GPC5: variants seen among roughly 807,000 people sequenced by gnomAD.
The protein encoded by GPC5 is glypican-5.
GPC5 carries 47 observed loss-of-function variants against 53.9 expected under a neutral mutation model. The ratio of observed to expected loss-of-function variants is 0.87; its 90% CI spans 0.69 to 1.11. The LOEUF (loss-of-function observed/expected upper bound fraction) is 1.11. GPC5 is among the 50% of genes most tolerant of loss of function. The pLI is 0.00. For missense variants in GPC5, 748 were observed against 713.1 expected, an observed-to-expected ratio of 1.05 and a Z score of -0.56; for synonymous variants, 286 against 263.3, an observed-to-expected ratio of 1.09 and a Z score of -0.84.
intron 7 of GPC5, among the ~76,000 whole-genome samples, chr13:92,416,880 T>C (rs1031851226): frequency 6.6e-6 from 1 of 152,016 alleles, no homozygotes; most frequent in African/African-American, 2.4e-5. Context: ...TAATAGAAAA[T>C]AACCCATTTA....
At chr13:92,159,911 T>C (rs1184971603) in intron 7 of GPC5, among the ~76,000 whole-genome samples, 1 of 150,138 alleles carries the variant, frequency 6.7e-6, no homozygotes, top group African/African-American at 2.5e-5. Flanking sequence ...CCCAATGTTC[T>C]TTTTTTAATT....
At position 91,617,289 on chromosome 13, in the gene GPC5, G is replaced by T. The variant is rs1046092778; in HGVS notation, c.326-75898G>T. 3.9e-5 allele frequency among the ~76,000 whole-genome samples: 6 copies of T among 152,188 alleles called. No individual in the cohort carries two copies. In the East Asian group the frequency reaches 7.7e-4, roughly 20 times the overall value. On this transcript the variant is annotated intron_variant, in intron 2 of 7. Transcript: ENST00000377067. ...AGAAGCAATTTATTCTGCATAGGCT[G>T]GGGGGAAGACCGTGTAGAGAAGATG...
chr13:91,725,886 AACC>A (rs1266558360), intron 3 of GPC5, among the ~76,000 whole-genome samples: 14 of 152,184 alleles, frequency 9.2e-5, no homozygotes, highest in African/African-American at 3.4e-4. Context: ...ACTTGCCTCA[AACC>A]CTATGACAAG....
intron 2 of GPC5, among the ~76,000 whole-genome samples, chr13:91,461,885 T>C (rs879060925): frequency 2.6e-5 from 4 of 152,080 alleles, no homozygotes; most frequent in Non-Finnish European, 4.4e-5. Context: ...AAGAGTCACA[T>C]TGTGAGTGCT....
At chr13:92,853,974 T>A (rs1434267042) in intron 7 of GPC5, among the ~76,000 whole-genome samples, 1 of 149,380 alleles carries the variant, frequency 6.7e-6, no homozygotes, top group East Asian at 2.1e-4. Context: ...GATCTTCTTT[T>A]AAGACCATAG....
intron 6 of GPC5, among the ~76,000 whole-genome samples, chr13:91,987,978 G>A (rs4771848): frequency 0.61 from 88,093 of 144,854 alleles, 27,413 homozygotes; most frequent in East Asian, 0.75. Flanking sequence ...TATAGTAATA[G>A]TTACATGTAA....
intron 2 of GPC5, among the ~76,000 whole-genome samples, chr13:91,535,976 A>C (rs1886573412): frequency 6.6e-6 from 1 of 152,214 alleles, no homozygotes; most frequent in African/African-American, 2.4e-5. Flanking sequence ...ATCATGATAC[A>C]AATATGAATA....
chr13:91,562,966 G>A (rs1409020124), intron 2 of GPC5, among the ~76,000 whole-genome samples: 1 of 151,930 alleles, frequency 6.6e-6, no homozygotes, highest in Admixed American at 6.6e-5. Flanking sequence ...GAGAAAAAAT[G>A]AGTTTTGCCA....
chr13:92,105,331 A>G (rs2041501252), intron 6 of GPC5, among the ~76,000 whole-genome samples: 1 of 152,106 alleles, frequency 6.6e-6, no homozygotes, highest in African/African-American at 2.4e-5. Flanking sequence ...AGAGACGTCT[A>G]CTTATTTCTA....
chr13:91,517,132 C>G (rs1187133911), intron 2 of GPC5, among the ~76,000 whole-genome samples: 1 of 152,180 alleles, frequency 6.6e-6, no homozygotes, highest in Non-Finnish European at 1.5e-5. Context: ...GATTAGGCTC[C>G]TTGCTACTTA....
At chr13:92,481,096 AT>A (rs1323961940) in intron 7 of GPC5, among the ~76,000 whole-genome samples, 3 of 131,504 alleles carry the variant, frequency 2.3e-5, no homozygotes, top group African/African-American at 5.1e-5. Context: ...TAATTTTTAT[AT>A]TTTTTTGCAT....
At chr13:92,544,748 A>G (rs1376381582) in intron 7 of GPC5, among the ~76,000 whole-genome samples, 4 of 151,986 alleles carry the variant, frequency 2.6e-5, no homozygotes, top group African/African-American at 4.8e-5. Context: ...AAAGAAGCCT[A>G]CACTAAATAT....
chr13:92,189,980 A>C (rs902599443), intron 7 of GPC5, among the ~76,000 whole-genome samples: 20 of 152,208 alleles, frequency 1.3e-4, no homozygotes, highest in Admixed American at 1.1e-3. Context: ...CATGTCAGAC[A>C]CCAATTCACA....
intron 6 of GPC5, among the ~76,000 whole-genome samples, chr13:91,970,719 A>T (rs950939993): frequency 6.6e-6 from 1 of 152,158 alleles, no homozygotes; most frequent in Non-Finnish European, 1.5e-5. Flanking sequence ...ATCTATTGAG[A>T]TAATCATGTG....
intron 7 of GPC5, among the ~76,000 whole-genome samples, chr13:92,526,070 A>C (rs1881270527): frequency 6.6e-6 from 1 of 152,128 alleles, no homozygotes; most frequent in Admixed American, 6.6e-5. Context: ...GAACACAGAA[A>C]ACCTTCCTTG....
intron 5 of GPC5, among the ~76,000 whole-genome samples, chr13:91,764,969 A>T (rs1168737973): frequency 6.6e-6 from 1 of 152,102 alleles, no homozygotes; most frequent in Non-Finnish European, 1.5e-5. Flanking sequence ...TCTCCATGTG[A>T]TGGTAATGTT....
chr13:92,450,583 C>A (rs183820592), intron 7 of GPC5, among the ~76,000 whole-genome samples: 6 of 152,186 alleles, frequency 3.9e-5, no homozygotes, highest in African/African-American at 1.2e-4. Context: ...CAGTTCTAGT[C>A]AAACACTTAT....
At chr13:92,077,280 T>C (rs2041259435) in intron 6 of GPC5, among the ~76,000 whole-genome samples, 1 of 152,162 alleles carries the variant, frequency 6.6e-6, no homozygotes, top group Non-Finnish European at 1.5e-5. Flanking sequence ...AGAATAAGTC[T>C]CTTAAAATAT....
chr13:92,027,946 T>G (rs566803733), intron 6 of GPC5, among the ~76,000 whole-genome samples: 13 of 122,240 alleles, frequency 1.1e-4, no homozygotes, highest in African/African-American at 2.3e-4. Flanking sequence ...TTCATCAAAA[T>G]GGACATGACT....
Sources: allele counts gnomAD v4.1 joint callset (sites outside exome capture counted in the v4.1 genomes callset), GRCh38; gene constraint gnomAD v4.1.1; transcripts MANE v1.5; gene names NCBI Gene and HGNC (gene_info 2026-07-23, HGNC 2026-07-21).